Variants in RNF32 observed in about 807,000 individuals in gnomAD.
The protein encoded by RNF32 is ring finger protein 32.
In RNF32, 36 loss-of-function variants were observed where a neutral mutation model predicts 41.0. The ratio of observed to expected loss-of-function variants is 0.88; its 90% CI spans 0.67 to 1.16. The LOEUF (loss-of-function observed/expected upper bound fraction) is 1.16. Among genes scored for constraint, RNF32 ranks in the 50% most tolerant of loss-of-function variants. The pLI is 0.00. For missense variants in RNF32, 413 were observed against 436.7 expected (o/e 0.95, Z 0.48); for synonymous variants, 154 against 160.9 (o/e 0.96, Z 0.32).
rs1210336541 is a variant in RNF32 at position 156,647,413 on chromosome 7, A to G, written c.274+2656A>G. Among the ~76,000 whole-genome samples the G allele has an allele frequency of 2.0e-5, 3 of 152,022 alleles. No homozygotes were observed. In the East Asian group the frequency reaches 5.8e-4, roughly 30 times the overall value. ...ACTGTGTATGCCTTTGCATACTCGT[A>G]TCTTAGCTTCCACTTATAAGTGAGA... On this transcript the variant is annotated intron_variant, in intron 3 of 8. Transcript: ENST00000317955.
At chr7:156,657,392 A>T (rs1799873390) in intron 4 of RNF32, 149 bp from the exon 5 acceptor site, 2 of 729,388 alleles carry the variant, frequency 2.7e-6, no homozygotes, top group Non-Finnish European at 4.8e-6. Flanking sequence ...TGCTAAACAA[A>T]CAATAAATAG....
intron 7 of RNF32, among the ~76,000 whole-genome samples, chr7:156,672,973 G>A (rs1291849779): frequency 1.3e-5 from 2 of 152,222 alleles, no homozygotes; most frequent in East Asian, 3.9e-4. Context: ...GGCTCACCCC[G>A]CGGACTGTGG....
chr7:156,644,595 GATCATT>G lies in RNF32; in HGVS notation c.113_118del (p.Asp38_Ser40delinsAla). The G allele has an allele frequency of 6.2e-7, 1 of 1,613,402 alleles. No homozygotes were observed. Among genetic ancestry groups the G allele is most frequent in the Non-Finnish European group, 8.5e-7 (1 of 1,179,516 alleles). On this transcript the variant is annotated inframe_deletion, in exon 3 of 9. Coordinates refer to ENST00000317955, the MANE Select transcript of RNF32 (RefSeq NM_030936.4). ...TCAACTTCGAAATCTTTCAGTTGCA[GATCATT>G]CTAAGACACAAGTACAAAAGAAAGA...
In RNF32 at chr7:156,676,625, C is replaced by T. The variant is rs1254304032; in HGVS notation, c.1059C>T (p.Ser353=). ...TCCATGCCTGTCCTCTCTGCCGCTCCTGCTACCAGAAGAAGATTCTTGAAT... is the reference window on the plus strand; with the variant it reads ...TCCATGCCTGTCCTCTCTGCCGCTCTTGCTACCAGAAGAAGATTCTTGAAT... ...PPFHACPLCR[S]CYQKKILEC is the part of the protein sequence containing the mutation. The change falls in exon 9 of 9, where the codon TCC becomes TCT. Residue 353 remains serine, a synonymous_variant. Transcript: ENST00000317955. 3 of 1,613,864 alleles carry T rather than the reference C, an allele frequency of 1.9e-6. No homozygotes were observed. The highest frequency in any genetic ancestry group is 1.7e-6 in the Non-Finnish European group (2 of 1,179,860).
rs972622968 is a variant in RNF32 at position 156,670,585 on chromosome 7, C to G, written c.685-5111C>G. On this transcript the variant is annotated intron_variant, in intron 7 of 8. Coordinates refer to ENST00000317955, the MANE Select transcript of RNF32 (RefSeq NM_030936.4). The surrounding 1 kb of genome is among the most constrained non-coding windows in gnomAD (Gnocchi z 4.3). ...TTGTTTTAAGTGTCTAGTGAGCCTG[C>G]AGAACACAAAGCACGGAGTCATCTT... Among the ~76,000 whole-genome samples the G allele has an allele frequency of 6.6e-6, 1 of 152,176 alleles. No homozygotes were observed. The highest frequency in any genetic ancestry group is 1.5e-5 in the Non-Finnish European group (1 of 68,040).
chr7:156,659,122 T>C (rs1800206410), intron 7 of RNF32: 3 of 1,346,292 alleles, frequency 2.2e-6, no homozygotes, highest in Non-Finnish European at 2.8e-6. Context: ...TCCCATTCCT[T>C]GTCCCCATAT....
At chr7:156,652,021 C>T (rs1432380880) in intron 3 of RNF32, among the ~76,000 whole-genome samples, 1 of 152,146 alleles carries the variant, frequency 6.6e-6, no homozygotes, top group African/African-American at 2.4e-5. Flanking sequence ...TTTCTTCCCT[C>T]GTAGTGGCGA....
chr7:156,661,043 A>AG (rs1585061632), intron 7 of RNF32, among the ~76,000 whole-genome samples: 1 of 152,186 alleles, frequency 6.6e-6, no homozygotes, highest in Non-Finnish European at 1.5e-5. Context: ...CTCTAAGTTG[A>AG]GGATGCTGCG....
At chr7:156,645,980 T>C (rs1797928193) in intron 3 of RNF32, among the ~76,000 whole-genome samples, 1 of 152,226 alleles carries the variant, frequency 6.6e-6, no homozygotes, top group Non-Finnish European at 1.5e-5. Flanking sequence ...TCTATAGAAA[T>C]AAGTCAGCCT....
intron 7 of RNF32, among the ~76,000 whole-genome samples, chr7:156,674,369 G>A (rs1253868271): frequency 6.6e-6 from 1 of 152,246 alleles, no homozygotes; most frequent in African/African-American, 2.4e-5. Context: ...ATCTCTGGGT[G>A]AGCCACAGCT....
chr7:156,660,790 G>A (rs892411328), intron 7 of RNF32, among the ~76,000 whole-genome samples: 1 of 152,222 alleles, frequency 6.6e-6, no homozygotes, highest in Non-Finnish European at 1.5e-5. Context: ...CCACTCTCAA[G>A]GAGTCCTGAG....
At chr7:156,665,777 T>C (rs1171966541) in intron 7 of RNF32, among the ~76,000 whole-genome samples, 1 of 152,158 alleles carries the variant, frequency 6.6e-6, no homozygotes, top group Non-Finnish European at 1.5e-5. Context: ...ATGAGAGAAA[T>C]CTGGGGCTTC....
intron 7 of RNF32, chr7:156,659,896 C>T: frequency 2.5e-5 from 25 of 985,292 alleles, no homozygotes; most frequent in Non-Finnish European, 3.0e-5. Context: ...AGCAAGTGAC[C>T]AAGAGCAGTC....
At chr7:156,656,809 C>T (rs932177110) in intron 4 of RNF32, among the ~76,000 whole-genome samples, 2 of 152,232 alleles carry the variant, frequency 1.3e-5, no homozygotes, top group African/African-American at 2.4e-5. Context: ...CTTTCCTCCC[C>T]GTTGCTGAAA....
chr7:156,658,115 T>C lies in RNF32; in HGVS notation c.451-13T>C. 6.2e-7 allele frequency: 1 copy of C among 1,607,156 alleles called. No homozygotes were observed. Among genetic ancestry groups the C allele is most frequent in the Non-Finnish European group, 8.5e-7 (1 of 1,177,672 alleles). On this transcript the variant is annotated splice_polypyrimidine_tract_variant and intron_variant, in intron 5 of 8. Coordinates refer to ENST00000317955, the MANE Select transcript of RNF32 (RefSeq NM_030936.4). Reference sequence around the variant, plus strand: ...ATTACTTGTAAAATTTTAAGTGAAATGTTTTTCTTCAGGCATGTCTTCAGG... The same window carrying C: ...ATTACTTGTAAAATTTTAAGTGAAACGTTTTTCTTCAGGCATGTCTTCAGG...
At chr7:156,659,077 T>G in intron 7 of RNF32, 1 of 1,364,130 alleles carries the variant, frequency 7.3e-7, no homozygotes, top group Non-Finnish European at 9.4e-7. Context: ...CTATTTATGC[T>G]TTAGTTTTAC....
intron 7 of RNF32, chr7:156,658,957 G>A (rs1323894012): frequency 1.3e-6 from 2 of 1,518,188 alleles, no homozygotes; most frequent in African/African-American, 2.8e-5. Flanking sequence ...GAAAATAGAA[G>A]CTGCCTATAA....
intron 1 of RNF32, 158 bp from the exon 2 acceptor site, chr7:156,643,643 C>T (rs1797647092): frequency 1.8e-6 from 1 of 564,252 alleles, no homozygotes; most frequent in Non-Finnish European, 3.1e-6. Flanking sequence ...TTGAGTTCAC[C>T]CCCTTCCTCC....
intron 7 of RNF32, among the ~76,000 whole-genome samples, chr7:156,673,759 A>AGTCTCCACAGCACTCGACCCTGCGCT (rs1326269798): frequency 6.6e-6 from 1 of 152,188 alleles, no homozygotes; most frequent in East Asian, 1.9e-4. Flanking sequence ...GGCAGCTCAT[A>AGTCTCCACAGCACTCGACCCTGCGCT]GTCTCCACAG....
Sources: gnomAD v4.1 joint callset for allele counts (sites outside exome capture counted in the v4.1 genomes callset) on GRCh38, gnomAD v4.1.1 for gene constraint, Gnocchi (gnomAD v3.1) non-coding constraint, MANE v1.5 for transcripts, NCBI Gene and HGNC (gene_info 2026-07-23, HGNC 2026-07-21) for gene names.